The following GSDME variants were observed in gnomAD, a reference collection of about 807,000 sequenced individuals.
GSDME encodes gasdermin E.
A neutral mutation model predicts 47.5 loss-of-function variants in GSDME; 44 were observed. That is an observed-to-expected ratio of 0.93 (90% CI 0.73 to 1.19). The LOEUF is 1.19. GSDME is among the 50% of genes most tolerant of loss of function. The pLI is 0.00. For synonymous variants in GSDME, 258 were observed against 252.8 expected (o/e 1.02, Z -0.20); for missense variants, 663 against 604.2 (o/e 1.10, Z -1.02).
chr7:24,738,029 G>T (rs1239610843), intron 3 of GSDME, among the ~76,000 whole-genome samples: 2 of 152,100 alleles, frequency 1.3e-5, no homozygotes, highest in African/African-American at 4.8e-5. Flanking sequence ...ATACTGAAAT[G>T]GAGAAAAACT....
intron 1 of GSDME, among the ~76,000 whole-genome samples, chr7:24,755,268 T>C (rs1189986705): frequency 6.6e-6 from 1 of 152,166 alleles, no homozygotes; most frequent in Non-Finnish European, 1.5e-5. Flanking sequence ...AGACAAAACA[T>C]GAACACGTTC....
intron 1 of GSDME, among the ~76,000 whole-genome samples, chr7:24,755,608 T>C (rs1244560929): frequency 6.6e-6 from 1 of 152,244 alleles, no homozygotes; most frequent in African/African-American, 2.4e-5. Flanking sequence ...AGTGTGTTCC[T>C]GGAGGTCTTT....
intron 3 of GSDME, among the ~76,000 whole-genome samples, chr7:24,741,722 G>A (rs1409121768): frequency 2.0e-5 from 3 of 152,172 alleles, no homozygotes; most frequent in Non-Finnish European, 2.9e-5. Flanking sequence ...CCACTCCCAA[G>A]GCCACGCATG....
At chr7:24,786,012 C>T in the GSDME span, among the ~76,000 whole-genome samples, 11 of 152,006 alleles carry the variant, frequency 7.2e-5, no homozygotes, top group African/African-American at 2.2e-4. The surrounding 1 kb of genome is among the most constrained non-coding windows in gnomAD (Gnocchi z 5.5). Flanking sequence ...AGGTAAGCTC[C>T]GTGAGGGCAG....
At chr7:24,792,628 T>C in the GSDME span, among the ~76,000 whole-genome samples, 1 of 152,196 alleles carries the variant, frequency 6.6e-6, no homozygotes, top group Non-Finnish European at 1.5e-5. Context: ...AAGAGTTAAA[T>C]TTTTCTTAGC....
intron 3 of GSDME, among the ~76,000 whole-genome samples, chr7:24,734,392 C>T (rs1211527194): frequency 6.6e-6 from 1 of 152,230 alleles, no homozygotes; most frequent in Non-Finnish European, 1.5e-5. Context: ...TACTGACAAA[C>T]ATCCACAAGC....
At chr7:24,774,067 A>G in the GSDME span, among the ~76,000 whole-genome samples, 1 of 152,168 alleles carries the variant, frequency 6.6e-6, no homozygotes, top group South Asian at 2.1e-4. Context: ...AGACTCCTGT[A>G]TCAGTACAGT....
intron 6 of GSDME, 131 bp from the exon 7 acceptor site, chr7:24,708,385 A>T: frequency 8.9e-7 from 1 of 1,123,124 alleles, no homozygotes; most frequent in East Asian, 2.6e-5. Flanking sequence ...ATAGTCAGTC[A>T]TGGAACTCAG....
chr7:24,769,829 G>A, the GSDME span, among the ~76,000 whole-genome samples: 1 of 152,212 alleles, frequency 6.6e-6, no homozygotes, highest in African/African-American at 2.4e-5. Context: ...TGGCAGGGAT[G>A]TTGAAATTAT....
In GSDME at chr7:24,721,036, T is replaced by G. The variant is rs1458301568; in HGVS notation, c.405-1818A>C. Among the ~76,000 whole-genome samples, 1 of 152,228 alleles carries G rather than the reference T, an allele frequency of 6.6e-6. No individual in the cohort carries two copies. Among genetic ancestry groups the G allele is most frequent in the Non-Finnish European group, 1.5e-5 (1 of 68,050 alleles). On this transcript the variant is annotated intron_variant, in intron 3 of 9. Transcript: ENST00000645220. This position sits in a 1 kb window ranked among gnomAD's most constrained non-coding sequence, Gnocchi z 4.1. ...TGTGTGGTTCCTCATATGAAATATCTGGAACAGGCAAATTCATAATGACAG... is the reference window on the plus strand; with the variant it reads ...TGTGTGGTTCCTCATATGAAATATCGGGAACAGGCAAATTCATAATGACAG...
upstream of GSDME, among the ~76,000 whole-genome samples, chr7:24,760,777 G>A (rs572217649): frequency 6.6e-6 from 1 of 152,104 alleles, no homozygotes. This position sits in a 1 kb window ranked among gnomAD's most constrained non-coding sequence, Gnocchi z 4.2. Flanking sequence ...TTTTTAAACT[G>A]GAGACTGTAT....
the GSDME span, among the ~76,000 whole-genome samples, chr7:24,764,200 A>G: frequency 6.6e-6 from 1 of 152,256 alleles, no homozygotes; most frequent in Non-Finnish European, 1.5e-5. The surrounding 1 kb of genome is among the most constrained non-coding windows in gnomAD (Gnocchi z 4.4). Context: ...TTTGGCAAGG[A>G]AAATTATCCT....
At position 24,705,890 on chromosome 7, in the gene GSDME, G is replaced by A. The variant is rs1789076925; in HGVS notation, c.1183+294C>T. ...GGAGTGAACCACAGCCTGTCAGGGA[G>A]ATGCTTGCTTTTGTAGGCAAAGGGG... On this transcript the variant is annotated intron_variant, in intron 8 of 9. Coordinates refer to ENST00000645220, the MANE Select transcript of GSDME (RefSeq NM_001127453.2). The surrounding 1 kb of genome is among the most constrained non-coding windows in gnomAD (Gnocchi z 4.1). The A allele has an allele frequency of 4.1e-6, 2 of 482,314 alleles. No homozygotes were observed. The highest frequency in any genetic ancestry group is 4.1e-5 in the South Asian group (2 of 48,476). The allele number at this position is 482,314 out of a possible 1,614,324, so 29.9% of individuals were successfully genotyped here. A position where few individuals can be genotyped will look rare whatever the true frequency, so the allele number is the denominator to read the frequency against.
chr7:24,744,411 T>A lies in GSDME; in HGVS notation c.404+151A>T, dbSNP rs1158216921. The A allele has an allele frequency of 1.3e-5, 11 of 867,792 alleles. No individual in the cohort carries two copies. The South Asian group carries it at 1.6e-4, about 13-fold the overall frequency. The allele number at this position is 867,792 out of a possible 1,614,324, so 53.8% of individuals were successfully genotyped here. On this transcript the variant is annotated intron_variant, in intron 3 of 9. Coordinates refer to ENST00000645220, the MANE Select transcript of GSDME (RefSeq NM_001127453.2). This position sits in a 1 kb window ranked among gnomAD's most constrained non-coding sequence, Gnocchi z 4.5. ...TCAAGCAATTCCAGACTAAAGAATG[T>A]GCTCCTCATGAAATTTCAACACAAG...
Position 24,710,303 on chromosome 7 carries a change from T to C in GSDME, c.783A>G (p.Arg261=), listed in dbSNP as rs1258935561. 1.9e-6 allele frequency: 3 copies of C among 1,614,202 alleles called. No homozygotes were observed. The Admixed American group carries it at 5.0e-5, about 27-fold the overall frequency. ...CTGGCATGTCTATGAATGCAAACTC[T>C]CGAAAGACCAGGGGGTCCAGGTAGA... is the stretch of plus-strand genomic sequence containing the variant. ...DSVYLDPLVF[R]EFAFIDMPDA... is the part of the protein sequence containing the mutation. Residue 261 remains arginine (R), a synonymous_variant, in exon 6 of 10, where the codon CGA becomes CGG. Coordinates refer to ENST00000645220, the MANE Select transcript of GSDME (RefSeq NM_001127453.2).
At chr7:24,761,810 C>T (rs1411399679), upstream of GSDME, among the ~76,000 whole-genome samples, 2 of 152,174 alleles carry the variant, frequency 1.3e-5, no homozygotes, top group African/African-American at 4.8e-5. The surrounding 1 kb of genome is among the most constrained non-coding windows in gnomAD (Gnocchi z 4.4). Flanking sequence ...AGCTAGAAGT[C>T]TTATGACATA....
In GSDME at chr7:24,756,643, C is replaced by G. The variant is rs1237814944; in HGVS notation, c.-20+753G>C. Among the ~76,000 whole-genome samples, 1 of 152,232 alleles carries G rather than the reference C, an allele frequency of 6.6e-6. No homozygotes were observed. Among genetic ancestry groups the G allele is most frequent in the Non-Finnish European group, 1.5e-5 (1 of 68,042 alleles). On this transcript the variant is annotated intron_variant, in intron 1 of 9. Transcript: ENST00000645220. The surrounding 1 kb of genome is among the most constrained non-coding windows in gnomAD (Gnocchi z 4.2). Reference sequence around the variant, plus strand: ...TTCACTATTCTGGACAGAGTAGACTCTGGAGGAGTGGGTGGTCGGTGTGTT... The same window carrying G: ...TTCACTATTCTGGACAGAGTAGACTGTGGAGGAGTGGGTGGTCGGTGTGTT...
At chr7:24,791,022 G>A in the GSDME span, among the ~76,000 whole-genome samples, 2 of 152,158 alleles carry the variant, frequency 1.3e-5, no homozygotes, top group African/African-American at 4.8e-5. The surrounding 1 kb of genome is among the most constrained non-coding windows in gnomAD (Gnocchi z 4.8). Flanking sequence ...GCTTCCAGGT[G>A]TGACTGGATC....
intron 1 of GSDME, among the ~76,000 whole-genome samples, chr7:24,753,321 AG>A (rs1313471639): frequency 6.6e-6 from 1 of 152,198 alleles, no homozygotes; most frequent in Non-Finnish European, 1.5e-5. Context: ...ATAGAGGTGT[AG>A]TTAAAAGGAG....
Sources: allele counts gnomAD v4.1 joint callset (sites outside exome capture counted in the v4.1 genomes callset), GRCh38; gene constraint gnomAD v4.1.1; non-coding constraint Gnocchi (gnomAD v3.1); transcripts MANE v1.5; gene names NCBI Gene and HGNC (gene_info 2026-07-23, HGNC 2026-07-21).